SREBF2: variants seen among roughly 807,000 people sequenced by gnomAD.
The protein encoded by SREBF2 is sterol regulatory element binding transcription factor 2.
SREBF2 carries 55 observed loss-of-function variants against 113.1 expected under a neutral mutation model. That is an observed-to-expected ratio of 0.49 (90% confidence interval 0.39 to 0.61). The LOEUF is 0.61. Ranked by LOEUF, SREBF2 falls within the 20% of genes least tolerant of loss-of-function variation. The pLI, the probability that SREBF2 is intolerant of heterozygous loss-of-function variation, is 0.00. For missense variants in SREBF2, 1,349 were observed against 1,487.4 expected (o/e 0.91, Z 1.53); for synonymous variants, 593 against 605.7 (o/e 0.98, Z 0.31).
At position 41,873,958 on chromosome 22, in the gene SREBF2, G is replaced by A. The variant is rs1376239403; in HGVS notation, c.1028G>A (p.Arg343His). ...CATAATATCATTGAGAAACGATATC[G>A]CTCCTCCATCAATGACAAAATCATC... Reference protein sequence around the residue: ...TTHNIIEKRYRSSINDKIIEL... With the variant: ...TTHNIIEKRYHSSINDKIIEL... The change falls in exon 5 of 19, where the codon CGC becomes CAC. Residue 343 changes from arginine to histidine, a missense_variant. Coordinates refer to ENST00000361204, the MANE Select transcript of SREBF2 (RefSeq NM_004599.4). 2 of 1,614,090 alleles carry A rather than the reference G, an allele frequency of 1.2e-6. No individual in the cohort carries two copies. Among genetic ancestry groups the A allele is most frequent in the Non-Finnish European group, 1.7e-6 (2 of 1,180,022 alleles).
At chr22:41,877,568 G>A in intron 8 of SREBF2, 147 bp downstream of exon 8, 2 of 964,760 alleles carry the variant, frequency 2.1e-6, no homozygotes, top group Non-Finnish European at 3.1e-6. Flanking sequence ...ATAGGGACTG[G>A]CATAAGTTCC....
At position 41,893,252 on chromosome 22, in the gene SREBF2, A is replaced by G; in HGVS notation, c.2344A>G (p.Lys782Glu). The G allele has an allele frequency of 1.2e-6, 2 of 1,614,222 alleles. No homozygotes were observed. Among genetic ancestry groups the G allele is most frequent in the Non-Finnish European group, 1.7e-6 (2 of 1,180,036 alleles). ...GAGCTGGTCTGTGAAGTCAGCTGCC[A>G]AGGAGAGTCTATACTGTGCCCAGAG... ...ERSWSVKSAAKESLYCAQRNP... is the reference protein window; with the variant it reads ...ERSWSVKSAAEESLYCAQRNP... The change falls in exon 12 of 19, where the codon AAG becomes GAG. Residue 782 changes from lysine (K) to glutamate (E), a missense_variant. By Grantham distance (56) the Lys-to-Glu change is moderately conservative (BLOSUM62 1). This residue lies in a region of SREBF2 where 650 missense variants were observed against 644.1 expected (regional missense o/e 1.01). Coordinates refer to ENST00000361204, the MANE Select transcript of SREBF2 (RefSeq NM_004599.4).
rs569611015 is a variant in SREBF2, at chr22:41,884,133, G to GT, written c.2039-700dup. On this transcript the variant is annotated intron_variant, in intron 10 of 18. Coordinates refer to ENST00000361204, the MANE Select transcript of SREBF2 (RefSeq NM_004599.4). ...ATGTGTTTGTGTATTGTGAAGGCGG[G>GT]TTTTTTTTTGGCTTTTTTGGGGGAC... Among the ~76,000 whole-genome samples the GT allele has an allele frequency of 1.7e-3, 262 of 151,138 alleles. 9 individuals are homozygous for GT. In the South Asian group the frequency reaches 0.042, roughly 24 times the overall value.
intron 7 of SREBF2, among the ~76,000 whole-genome samples, chr22:41,876,790 T>C (rs916278612): frequency 1.3e-5 from 2 of 152,200 alleles, no homozygotes; most frequent in African/African-American, 2.4e-5. Flanking sequence ...AATCAAGATA[T>C]AGAACATTTC....
Position 41,873,738 on chromosome 22 carries a change from A to G in SREBF2, c.868-60A>G, listed in dbSNP as rs927239709. 4 of 1,528,930 alleles carry G rather than the reference A, an allele frequency of 2.6e-6. No individual in the cohort carries two copies. In the African/African-American group the frequency reaches 5.5e-5, roughly 21 times the overall value. The allele number at this position is 1,528,930 out of a possible 1,614,324, so 94.7% of individuals were successfully genotyped here. A position where few individuals can be genotyped will look rare whatever the true frequency, so the allele number is the denominator to read the frequency against. The stretch of plus-strand genomic sequence containing the variant: ...GGCCAAAGCGGGCAGGTCTGTGTTG[A>G]GGTTGCTTTATGCAGACTAACAAAG... On this transcript the variant is annotated intron_variant, in intron 4 of 18. Transcript: ENST00000361204.
chr22:41,834,876 G>C (rs1050043056), intron 1 of SREBF2, among the ~76,000 whole-genome samples: 3 of 152,108 alleles, frequency 2.0e-5, no homozygotes, highest in Non-Finnish European at 4.4e-5. Flanking sequence ...TGTGCCAGAC[G>C]GTGTTAAACA....
At position 41,905,622 on chromosome 22, in the gene SREBF2, G is replaced by T; in HGVS notation, c.3388G>T (p.Val1130Phe). The change falls in exon 19 of 19, where the codon GTT (valine) becomes TTT (phenylalanine). Residue 1130 changes from valine (V) to phenylalanine (F), a missense_variant. Physicochemically the swap from Val to Phe is conservative, Grantham distance 50 (BLOSUM62 -1). Coordinates refer to ENST00000361204, the MANE Select transcript of SREBF2 (RefSeq NM_004599.4). ...CTGCAACGACTGCCAGCAGATGATT[G>T]TTAAGCTGGGTGGTGGCACTGCCAT... ...RSCNDCQQMIVKLGGGTAIAA... is the reference protein window; with the variant it reads ...RSCNDCQQMIFKLGGGTAIAA... 1 of 1,596,978 alleles carries T rather than the reference G, an allele frequency of 6.3e-7. No individual in the cohort carries two copies. Among genetic ancestry groups the T allele is most frequent in the Non-Finnish European group, 8.5e-7 (1 of 1,172,720 alleles).
chr22:41,905,713 C>G lies in SREBF2; in HGVS notation c.*53C>G. ...TCTCTCTCGATTTCTCTCTCTCCCC[C>G]TCAGCATCTTCCCGCTGAGAGTGGT... On this transcript the variant is annotated 3_prime_UTR_variant, in exon 19 of 19. Coordinates refer to ENST00000361204, the MANE Select transcript of SREBF2 (RefSeq NM_004599.4). The G allele has an allele frequency of 1.3e-6, 2 of 1,518,204 alleles. No homozygotes were observed. The highest frequency in any genetic ancestry group is 2.5e-5 in the East Asian group (1 of 40,800). The allele number at this position is 1,518,204 out of a possible 1,614,324, so 94.0% of individuals were successfully genotyped here.
chr22:41,836,563 C>T (rs761011522), intron 1 of SREBF2, among the ~76,000 whole-genome samples: 8 of 152,218 alleles, frequency 5.3e-5, no homozygotes, highest in Non-Finnish European at 1.0e-4. Flanking sequence ...TGAATGTTAG[C>T]TCCTTGAGGC....
In SREBF2 at chr22:41,871,898, CA is replaced by C. The variant is rs34718352; in HGVS notation, c.867+879del. 5.8e-3 allele frequency among the ~76,000 whole-genome samples: 606 copies of C among 103,676 alleles called. 2 individuals are homozygous for C. The highest frequency in any genetic ancestry group is 0.012 in the African/African-American group (346 of 28,390). The allele number at this position is 103,676 out of a possible 152,430, so 68.0% of individuals were successfully genotyped here. A position where few individuals can be genotyped will look rare whatever the true frequency, so the allele number is the denominator to read the frequency against. ...TGGATGACAGAACGAGACTGACTCT[CA>C]AAAAAAAAAAAAAAAGCTACTGATG... On this transcript the variant is annotated intron_variant, in intron 4 of 18. Coordinates refer to ENST00000361204, the MANE Select transcript of SREBF2 (RefSeq NM_004599.4).
chr22:41,892,054 G>A (rs1020664267), intron 11 of SREBF2, among the ~76,000 whole-genome samples: 14 of 152,150 alleles, frequency 9.2e-5, no homozygotes, highest in African/African-American at 1.2e-4. Flanking sequence ...GTTCTTTCTC[G>A]CAGGCTGGTG....
intron 1 of SREBF2, among the ~76,000 whole-genome samples, chr22:41,864,169 ACC>A (rs1186726999): frequency 7.8e-6 from 1 of 128,034 alleles, no homozygotes; most frequent in Non-Finnish European, 1.6e-5. Flanking sequence ...ATAAGCCACC[ACC>A]CCTGGCCTAT....
Position 41,833,375 on chromosome 22 carries a change from TGGGA to T in SREBF2, c.88+19_88+22del. ...ACATCGACGGTGAGTGGTGGGTGGG[TGGGA>T]GTGCGGGGGCCGCGCGGGGAGGAAG... On this transcript the variant is annotated intron_variant, in intron 1 of 18. Coordinates refer to ENST00000361204, the MANE Select transcript of SREBF2 (RefSeq NM_004599.4). This position sits in a 1 kb window ranked among gnomAD's most constrained non-coding sequence, Gnocchi z 4.1. 1 of 264,942 alleles carries T rather than the reference TGGGA, an allele frequency of 3.8e-6. No homozygotes were observed. Among genetic ancestry groups the T allele is most frequent in the Non-Finnish European group, 7.8e-6 (1 of 128,572 alleles). The allele number at this position is 264,942 out of a possible 1,614,324, so 16.4% of individuals were successfully genotyped here. A position where few individuals can be genotyped will look rare whatever the true frequency, so the allele number is the denominator to read the frequency against.
chr22:41,850,628 C>T (rs1178913251), intron 1 of SREBF2, among the ~76,000 whole-genome samples: 1 of 152,154 alleles, frequency 6.6e-6, no homozygotes, highest in Admixed American at 6.5e-5. Flanking sequence ...AGAGGAGAGA[C>T]TCAGACAAAC....
chr22:41,833,230 T>G lies in SREBF2; in HGVS notation c.-41T>G. On this transcript the variant is annotated 5_prime_UTR_variant, in exon 1 of 19. The change abolishes the stop of an existing upstream ORF in the 5' untranslated region. Transcript: ENST00000361204. This position sits in a 1 kb window ranked among gnomAD's most constrained non-coding sequence, Gnocchi z 4.1. ...CGACGGCACCGCCCCCGCGTCTCCC[T>G]GAGCGGGACGGCAGGGGGGGCTTCT... 1 of 1,491,170 alleles carries G rather than the reference T, an allele frequency of 6.7e-7. No individual in the cohort carries two copies. Among genetic ancestry groups the G allele is most frequent in the Non-Finnish European group, 9.0e-7 (1 of 1,116,516 alleles). 92.4% of individuals were successfully genotyped at this position (1,491,170 alleles called of 1,614,324 possible).
intron 15 of SREBF2, chr22:41,899,359 G>A (rs1602348007): frequency 2.0e-6 from 2 of 1,015,552 alleles, no homozygotes; most frequent in South Asian, 4.0e-5. Flanking sequence ...GCGTCTTGGG[G>A]GCATTCGGCA....
chr22:41,835,853 A>C (rs1378438994), intron 1 of SREBF2, among the ~76,000 whole-genome samples: 1 of 152,180 alleles, frequency 6.6e-6, no homozygotes, highest in African/African-American at 2.4e-5. Context: ...TTCAACTTCC[A>C]GGCACATGCA....
intron 1 of SREBF2, among the ~76,000 whole-genome samples, chr22:41,862,606 AT>A (rs1299239164): frequency 6.6e-6 from 1 of 152,192 alleles, no homozygotes; most frequent in Non-Finnish European, 1.5e-5. Flanking sequence ...TAATCACAGA[AT>A]GTGAATGATC....
At chr22:41,848,333 CA>C (rs1417064465) in intron 1 of SREBF2, among the ~76,000 whole-genome samples, 5 of 152,238 alleles carry the variant, frequency 3.3e-5, no homozygotes, top group African/African-American at 1.2e-4. Context: ...ATGATCCGCC[CA>C]CCGTGGCCTC....
Sources: gnomAD v4.1 joint callset for allele counts (sites outside exome capture counted in the v4.1 genomes callset) on GRCh38, gnomAD v4.1.1 for gene constraint, gnomAD v4.1.1 regional missense constraint, Gnocchi (gnomAD v3.1) non-coding constraint, MANE v1.5 for transcripts, NCBI Gene and HGNC (gene_info 2026-07-23, HGNC 2026-07-21) for gene names.